The following RBPJ variants were observed in gnomAD, a reference collection of about 807,000 sequenced individuals.
The protein encoded by RBPJ is recombination signal binding protein for immunoglobulin kappa J region, also known as recombining binding protein suppressor of hairless.
In RBPJ, 9 loss-of-function variants were observed where a neutral mutation model predicts 67.8. The observed-to-expected ratio is 0.13, with a 90% CI of 0.08 to 0.23. The LOEUF (loss-of-function observed/expected upper bound fraction) is 0.23. Ranked by LOEUF, RBPJ falls within the 10% of genes least tolerant of loss-of-function variation. The pLI is 1.00. For synonymous variants in RBPJ, 198 were observed against 203.3 expected (o/e 0.97, Z 0.22); for missense variants, 305 against 595.6 (o/e 0.51, Z 5.08).
chr4:26,232,181 C>A (rs1719313622), intron 1 of RBPJ, among the ~76,000 whole-genome samples: 1 of 152,158 alleles, frequency 6.6e-6, no homozygotes, highest in Non-Finnish European at 1.5e-5. Context: ...CAGGCATGAA[C>A]CACCATGCCC....
At chr4:26,399,154 C>G (rs930191590) in intron 2 of RBPJ, among the ~76,000 whole-genome samples, 2 of 152,164 alleles carry the variant, frequency 1.3e-5, no homozygotes, top group Admixed American at 6.6e-5. Context: ...GCATGACTTA[C>G]GTTCATTGCA....
At chr4:26,334,941 T>TGTG (rs1724652651) in intron 1 of RBPJ, among the ~76,000 whole-genome samples, 1 of 152,240 alleles carries the variant, frequency 6.6e-6, no homozygotes, top group African/African-American at 2.4e-5. Context: ...TATGTCTGTG[T>TGTG]CATTAGTGTG....
chr4:26,193,266 G>A (rs1717633347), intron 1 of RBPJ, among the ~76,000 whole-genome samples: 1 of 152,226 alleles, frequency 6.6e-6, no homozygotes, highest in African/African-American at 2.4e-5. Context: ...GTGGAGGGAT[G>A]AATATTCACA....
At chr4:26,308,795 A>G (rs1230204753) in intron 1 of RBPJ, among the ~76,000 whole-genome samples, 1 of 152,222 alleles carries the variant, frequency 6.6e-6, no homozygotes, top group African/African-American at 2.4e-5. Context: ...ACCAAGCAAT[A>G]CAGATGCAAA....
At chr4:26,259,015 G>T (rs1720442344) in intron 1 of RBPJ, among the ~76,000 whole-genome samples, 1 of 151,954 alleles carries the variant, frequency 6.6e-6, no homozygotes, top group African/African-American at 2.4e-5. Context: ...TGTTGGCCAG[G>T]ATAGTCTCAA....
At chr4:26,221,399 T>A (rs2109191486) in intron 1 of RBPJ, among the ~76,000 whole-genome samples, 1 of 152,092 alleles carries the variant, frequency 6.6e-6, no homozygotes, top group African/African-American at 2.4e-5. Flanking sequence ...CTTAAATAGA[T>A]CTTAAAGGGG....
rs1163829424 is a variant in RBPJ at position 26,244,300 on chromosome 4, T to C, written c.-167+80686T>C. On this transcript the variant is annotated intron_variant, in intron 1 of 4. Coordinates refer to the RBPJ transcript ENST00000512351. ...ATGTGTGTATATGTATACACATATGTGTACACATATGTGTGTATATGTATA... is the reference window on the plus strand; with the variant it reads ...ATGTGTGTATATGTATACACATATGCGTACACATATGTGTGTATATGTATA... Among the ~76,000 whole-genome samples the C allele has an allele frequency of 2.0e-5, 3 of 147,294 alleles. No individual in the cohort carries two copies. In the East Asian group the frequency reaches 5.9e-4, roughly 29 times the overall value.
rs957510104 is a variant in RBPJ at position 26,291,442 on chromosome 4, C to G, written c.-166-71004C>G. On this transcript the variant is annotated intron_variant, in intron 1 of 4. Coordinates refer to the RBPJ transcript ENST00000512351. ...AATTGTACAAGCTTCAGAGCAAGGG[C>G]AGAAAATCAAGACATCAAATTGTCA... Among the ~76,000 whole-genome samples, 17 of 150,798 alleles carry G rather than the reference C, an allele frequency of 1.1e-4. 1 individual carries two copies. The highest frequency in any genetic ancestry group is 2.5e-4 in the Non-Finnish European group (17 of 67,634).
intron 5 of RBPJ, among the ~76,000 whole-genome samples, chr4:26,423,287 G>A (rs971503089): frequency 1.3e-5 from 2 of 152,300 alleles, no homozygotes; most frequent in Admixed American, 6.5e-5. Flanking sequence ...AAAGGTAGAA[G>A]GTTTCTTTCT....
chr4:26,333,641 C>T (rs1303296706), intron 1 of RBPJ, among the ~76,000 whole-genome samples: 5 of 152,134 alleles, frequency 3.3e-5, no homozygotes, highest in Non-Finnish European at 5.9e-5. Context: ...CTTCCTGCCT[C>T]ATCCTCCTGA....
chr4:26,251,555 G>A (rs1720108933), intron 1 of RBPJ, among the ~76,000 whole-genome samples: 1 of 149,522 alleles, frequency 6.7e-6, no homozygotes, highest in South Asian at 2.1e-4. Context: ...AGAATTGCTT[G>A]AACATGGGAG....
At chr4:26,128,997 T>A in the RBPJ span, among the ~76,000 whole-genome samples, 1 of 152,222 alleles carries the variant, frequency 6.6e-6, no homozygotes, top group African/African-American at 2.4e-5. Flanking sequence ...TCTTTTTCAT[T>A]GTAAATTACC....
chr4:26,236,329 G>A (rs1248197863), intron 1 of RBPJ, among the ~76,000 whole-genome samples: 1 of 152,152 alleles, frequency 6.6e-6, no homozygotes, highest in African/African-American at 2.4e-5. Context: ...TTTCCTGCTT[G>A]TAACAAGTCG....
intron 1 of RBPJ, chr4:26,323,067 T>C (rs569505867): frequency 6.6e-6 from 1 of 151,612 alleles, no homozygotes; most frequent in South Asian, 2.1e-4. Flanking sequence ...TATTGGAGCA[T>C]TGGAAAATAC....
At chr4:26,296,197 G>C (rs527418408) in intron 1 of RBPJ, among the ~76,000 whole-genome samples, 10 of 152,178 alleles carry the variant, frequency 6.6e-5, no homozygotes, top group Non-Finnish European at 8.8e-5. Flanking sequence ...CTGTAGAACA[G>C]AAAAGTTCCT....
At chr4:26,143,053 A>T in the RBPJ span, among the ~76,000 whole-genome samples, 2 of 152,244 alleles carry the variant, frequency 1.3e-5, no homozygotes, top group African/African-American at 4.8e-5. Context: ...AAGTGCTGGG[A>T]TTATAGGCGT....
chr4:26,422,566 T>G (rs1162150853), intron 5 of RBPJ, among the ~76,000 whole-genome samples: 1 of 152,228 alleles, frequency 6.6e-6, no homozygotes, highest in Admixed American at 6.5e-5. Context: ...TTTTGTTTGC[T>G]TTCTTTTCAT....
intron 1 of RBPJ, among the ~76,000 whole-genome samples, chr4:26,228,912 G>C (rs952440162): frequency 2.0e-5 from 3 of 152,212 alleles, no homozygotes; most frequent in Middle Eastern, 3.4e-3. Flanking sequence ...TCCTTGTTTC[G>C]GGCCTGACTT....
Position 26,273,126 on chromosome 4 carries a change from A to G in RBPJ, c.-166-89320A>G, listed in dbSNP as rs147163682. Among the ~76,000 whole-genome samples the G allele has an allele frequency of 3.1e-3, 471 of 152,312 alleles. 2 individuals carry two copies. Among genetic ancestry groups the G allele is most frequent in the African/African-American group, 0.01 (432 of 41,566 alleles). ...TGTCCCAAGTTTACTCATTTGCAGG[A>G]CTACCTTTTGCTGTCTCCCACTTCC... On this transcript the variant is annotated intron_variant, in intron 1 of 4. Transcript: ENST00000512351.
Sources: allele counts gnomAD v4.1 joint callset (sites outside exome capture counted in the v4.1 genomes callset), GRCh38; gene constraint gnomAD v4.1.1; transcripts MANE v1.5; gene names NCBI Gene and HGNC (gene_info 2026-07-23, HGNC 2026-07-21).